Variants in ATP6V1E2 observed in about 807,000 individuals in gnomAD.
The protein encoded by ATP6V1E2 is ATPase H+ transporting V1 subunit E2.
For missense variants in ATP6V1E2, 308 were observed against 273.3 expected (o/e 1.13, Z -0.90); for synonymous variants, 121 against 104.2 (o/e 1.16, Z -0.98).
intron 4 of ATP6V1E2, among the ~76,000 whole-genome samples, chr2:46,518,656 G>A (rs886185596): frequency 6.6e-6 from 1 of 151,762 alleles, no homozygotes; most frequent in Non-Finnish European, 1.5e-5. Context: ...AATTTATTTG[G>A]GCCATCCACT....
At chr2:46,540,600 GC>G (rs748516971) in intron 2 of ATP6V1E2, among the ~76,000 whole-genome samples, 22 of 128,352 alleles carry the variant, frequency 1.7e-4, no homozygotes, top group Non-Finnish European at 2.9e-4. Context: ...AAATTTGAGA[GC>G]TTTTTCTGTA....
intron 4 of ATP6V1E2, among the ~76,000 whole-genome samples, chr2:46,534,117 C>T (rs1667325863): frequency 6.6e-6 from 1 of 152,152 alleles, no homozygotes; most frequent in Non-Finnish European, 1.5e-5. Flanking sequence ...TTACAATTTT[C>T]ATGAAATTTG....
chr2:46,517,935 G>C (rs1431184002), intron 4 of ATP6V1E2, among the ~76,000 whole-genome samples: 1 of 152,200 alleles, frequency 6.6e-6, no homozygotes, highest in Non-Finnish European at 1.5e-5. Flanking sequence ...CAGCTGCTAT[G>C]GAACACAGTA....
At chr2:46,516,603 T>G (rs1030178877) in intron 4 of ATP6V1E2, among the ~76,000 whole-genome samples, 1 of 151,978 alleles carries the variant, frequency 6.6e-6, no homozygotes, top group Non-Finnish European at 1.5e-5. Flanking sequence ...CTAAAAAAAA[T>G]TTTTAAAAGA....
rs942757703 is a variant in ATP6V1E2, at chr2:46,541,400, G to A, written c.-320C>T. ...CTGCAAGGAACTTACAGTGATTTCC[G>A]AAGACTTCCTGGGAGAGTGGAAATC... On this transcript the variant is annotated 5_prime_UTR_variant, in exon 2 of 5. Coordinates refer to ENST00000522587, the MANE Select transcript of ATP6V1E2 (RefSeq NM_001318063.2). 2.0e-5 allele frequency: 3 copies of A among 152,230 alleles called. No homozygotes were observed. The highest frequency in any genetic ancestry group is 7.2e-5 in the African/African-American group (3 of 41,436). The allele number at this position is 152,230 out of a possible 1,614,324, so 9.4% of individuals were successfully genotyped here.
chr2:46,533,240 T>C (rs1177196773), intron 4 of ATP6V1E2, among the ~76,000 whole-genome samples: 1 of 120,338 alleles, frequency 8.3e-6, no homozygotes, highest in East Asian at 2.1e-4. Flanking sequence ...GATAGATAGA[T>C]AGATAGATAG....
intron 2 of ATP6V1E2, among the ~76,000 whole-genome samples, chr2:46,539,030 T>TCC (rs2103949104): frequency 6.6e-6 from 1 of 152,234 alleles, no homozygotes; most frequent in South Asian, 2.1e-4. Context: ...GAATCAGGTG[T>TCC]CCACCTAGGG....
chr2:46,538,325 T>C (rs886611050), intron 2 of ATP6V1E2, among the ~76,000 whole-genome samples: 3 of 152,208 alleles, frequency 2.0e-5, no homozygotes, highest in Admixed American at 1.3e-4. Context: ...ATATGGCAAA[T>C]GCATTAGCTT....
chr2:46,537,656 T>A (rs1475352217), intron 2 of ATP6V1E2: 1 of 152,108 alleles, frequency 6.6e-6, no homozygotes, highest in Non-Finnish European at 1.5e-5. Context: ...GATTTTTCCA[T>A]AACAGAAGTC....
chr2:46,516,751 AC>A (rs1450604170), intron 4 of ATP6V1E2, among the ~76,000 whole-genome samples: 9 of 148,008 alleles, frequency 6.1e-5, no homozygotes, highest in Non-Finnish European at 1.3e-4. Flanking sequence ...AAAAAAAAAA[AC>A]TCTCAAGTTA....
chr2:46,527,315 G>A (rs1454219710), intron 4 of ATP6V1E2, among the ~76,000 whole-genome samples: 4 of 152,082 alleles, frequency 2.6e-5, no homozygotes, highest in South Asian at 2.1e-4. Flanking sequence ...TCTGCCTACC[G>A]GGTTCACGCC....
chr2:46,532,324 A>ATT (rs11366811), intron 4 of ATP6V1E2, among the ~76,000 whole-genome samples: 9 of 124,648 alleles, frequency 7.2e-5, no homozygotes, highest in Admixed American at 4.6e-4. Flanking sequence ...TTCCTTTTTG[A>ATT]TTTTTTTTTT....
rs200757763 is a variant in ATP6V1E2, at chr2:46,512,117, G to A, written c.595C>T (p.Arg199Ter). The A allele has an allele frequency of 3.3e-5, 53 of 1,613,942 alleles. No individual in the cohort carries two copies. Among genetic ancestry groups the A allele is most frequent in the Admixed American group, 8.3e-5 (5 of 59,970 alleles). ...TTTTGCTTGGCTGAGAGATCCAGTC[G>A]GCTTTCCAAGGTATTTGAAACCTTT... Reference protein sequence around the residue: ...RIKVSNTLESRLDLSAKQKMP... With the variant: ...RIKVSNTLES The change falls in exon 5 of 5, where the codon CGA becomes TGA. Residue 199 changes from arginine (R) to a stop codon, truncating the protein, a stop_gained. Coordinates refer to ENST00000522587, the MANE Select transcript of ATP6V1E2 (RefSeq NM_001318063.2). LOFTEE classifies it high-confidence loss of function.
intron 4 of ATP6V1E2, among the ~76,000 whole-genome samples, chr2:46,523,813 T>C (rs907290050): frequency 6.6e-6 from 1 of 152,320 alleles, no homozygotes; most frequent in East Asian, 1.9e-4. Context: ...ATCTATAAAT[T>C]ACTTTGGGCA....
chr2:46,519,745 T>G (rs1333859909), intron 4 of ATP6V1E2: 1 of 152,256 alleles, frequency 6.6e-6, no homozygotes. Context: ...TTAATCTTCA[T>G]GTCTGGTAGT....
intron 2 of ATP6V1E2, among the ~76,000 whole-genome samples, chr2:46,538,319 G>A (rs1206216067): frequency 6.6e-6 from 1 of 152,186 alleles, no homozygotes; most frequent in East Asian, 1.9e-4. Flanking sequence ...TGTGGAATAT[G>A]GCAAATGCAT....
chr2:46,533,125 GTTATA>G (rs1667263507), intron 4 of ATP6V1E2, among the ~76,000 whole-genome samples: 1 of 146,638 alleles, frequency 6.8e-6, no homozygotes, highest in South Asian at 2.1e-4. Context: ...TATATCTAAT[GTTATA>G]TTATATACCT....
At chr2:46,540,361 C>A (rs776498711) in intron 2 of ATP6V1E2, among the ~76,000 whole-genome samples, 1 of 148,124 alleles carries the variant, frequency 6.8e-6, no homozygotes, top group Non-Finnish European at 1.5e-5. Flanking sequence ...GCAGAGGTTG[C>A]AGTGAGCCAA....
chr2:46,515,046 A>C (rs182844995), intron 4 of ATP6V1E2, among the ~76,000 whole-genome samples: 1 of 152,348 alleles, frequency 6.6e-6, no homozygotes, highest in East Asian at 1.9e-4. Context: ...CTGTCCTACA[A>C]AAAGGAAAGA....
Sources: allele counts gnomAD v4.1 joint callset (sites outside exome capture counted in the v4.1 genomes callset), GRCh38; gene constraint gnomAD v4.1.1; transcripts MANE v1.5; gene names NCBI Gene and HGNC (gene_info 2026-07-23, HGNC 2026-07-21).